Variants in TBC1D22B observed in about 807,000 individuals in gnomAD.
TBC1D22B encodes the protein chromosome 6 open reading frame 197.
TBC1D22B carries 32 observed loss-of-function variants against 69.1 expected under a neutral mutation model. The ratio of observed to expected loss-of-function variants is 0.46; its 90% CI spans 0.35 to 0.62. The LOEUF is 0.62. Among genes scored for constraint, TBC1D22B ranks in the 20% least tolerant of loss-of-function variants. The probability of loss-of-function intolerance (pLI) is 0.00; values close to 1 mark genes in which losing one functional copy is unlikely to be tolerated. For missense variants in TBC1D22B, 462 were observed against 630.9 expected, an observed-to-expected ratio of 0.73 and a Z score of 2.87; for synonymous variants, 206 against 229.8, an observed-to-expected ratio of 0.90 and a Z score of 0.94.
At chr6:37,262,222 G>C (rs748838698) in intron 1 of TBC1D22B, among the ~76,000 whole-genome samples, 4 of 152,024 alleles carry the variant, frequency 2.6e-5, no homozygotes, top group Admixed American at 2.0e-4. Flanking sequence ...GTAGAGAAGG[G>C]GGTTTCGCCA....
rs1021431873 is a variant in TBC1D22B, at chr6:37,332,040, T to C, written c.*868T>C. On this transcript the variant is annotated 3_prime_UTR_variant, in exon 13 of 13. Coordinates refer to ENST00000373491, the MANE Select transcript of TBC1D22B (RefSeq NM_017772.4). Reference sequence around the variant, plus strand: ...AAAGATGTACAAATATATGTCCTCTTTGTAGCAGATATGATTTTATATTTA... The same window carrying C: ...AAAGATGTACAAATATATGTCCTCTCTGTAGCAGATATGATTTTATATTTA... 1.3e-5 allele frequency: 2 copies of C among 152,648 alleles called. No individual in the cohort carries two copies. The highest frequency in any genetic ancestry group is 6.5e-5 in the Admixed American group (1 of 15,274). The allele number at this position is 152,648 out of a possible 1,614,324, so 9.5% of individuals were successfully genotyped here. A position where few individuals can be genotyped will look rare whatever the true frequency, so the allele number is the denominator to read the frequency against.
intron 8 of TBC1D22B, among the ~76,000 whole-genome samples, chr6:37,309,324 C>T (rs186159338): frequency 7.7e-4 from 118 of 152,324 alleles, no homozygotes; most frequent in African/African-American, 2.7e-3. Flanking sequence ...GGTGTGACAG[C>T]GATGCTCCTG....
chr6:37,269,459 A>G lies in TBC1D22B; in HGVS notation c.57-135A>G, dbSNP rs539813905. ...ACGGGTAGATTGCTCTCTTTGGGGG[A>G]TGGCTTGAGTACAGTTATTAGAGAT... On this transcript the variant is annotated intron_variant, in intron 1 of 12. Coordinates refer to ENST00000373491, the MANE Select transcript of TBC1D22B (RefSeq NM_017772.4). 27 of 753,626 alleles carry G rather than the reference A, an allele frequency of 3.6e-5. No individual in the cohort carries two copies. The Admixed American group carries it at 6.5e-4, about 18-fold the overall frequency. 46.7% of individuals were successfully genotyped at this position (753,626 alleles called of 1,614,324 possible).
chr6:37,320,635 C>G (rs1163871830), intron 12 of TBC1D22B, among the ~76,000 whole-genome samples: 1 of 152,144 alleles, frequency 6.6e-6, no homozygotes, highest in Non-Finnish European at 1.5e-5. Context: ...TCAGAGTACA[C>G]AGGGGCAAAG....
chr6:37,273,183 CAAAAAAA>C (rs58720560), intron 2 of TBC1D22B, among the ~76,000 whole-genome samples: 12 of 77,270 alleles, frequency 1.6e-4, no homozygotes, highest in Middle Eastern at 7.4e-3. Context: ...AACCCCGAGG[CAAAAAAA>C]AAAAAAAAAA....
At chr6:37,286,482 A>AT (rs1337640507) in intron 6 of TBC1D22B, among the ~76,000 whole-genome samples, 1 of 151,412 alleles carries the variant, frequency 6.6e-6, no homozygotes, top group African/African-American at 2.4e-5. Context: ...CGCCCGGCTA[A>AT]TTTTTTGTAT....
intron 7 of TBC1D22B, among the ~76,000 whole-genome samples, chr6:37,288,184 C>A (rs562827663): frequency 3.3e-5 from 5 of 152,080 alleles, no homozygotes; most frequent in African/African-American, 1.2e-4. Flanking sequence ...TGGTGGGGTC[C>A]CTCATGTCTT....
At chr6:37,268,044 C>A (rs893222020) in intron 1 of TBC1D22B, among the ~76,000 whole-genome samples, 3 of 152,194 alleles carry the variant, frequency 2.0e-5, no homozygotes, top group African/African-American at 7.2e-5. Flanking sequence ...CTCCACCAAT[C>A]CTTTTGCCAT....
intron 1 of TBC1D22B, among the ~76,000 whole-genome samples, chr6:37,264,335 G>A (rs1163406466): frequency 2.6e-5 from 4 of 152,080 alleles, no homozygotes; most frequent in Non-Finnish European, 4.4e-5. Flanking sequence ...TTTTTGACAC[G>A]GGGTTTCACT....
intron 2 of TBC1D22B, 67 bp from the exon 3 acceptor site, chr6:37,279,237 A>C: frequency 1.4e-6 from 2 of 1,391,920 alleles, no homozygotes; most frequent in Non-Finnish European, 2.0e-6. Context: ...ATATTACAAT[A>C]ATAAGCAAAT....
intron 5 of TBC1D22B, among the ~76,000 whole-genome samples, chr6:37,283,432 AATTC>A (rs1173910773): frequency 6.6e-6 from 1 of 152,178 alleles, no homozygotes; most frequent in Non-Finnish European, 1.5e-5. Flanking sequence ...GAGCCTGTAA[AATTC>A]ATTCATTCAT....
intron 12 of TBC1D22B, among the ~76,000 whole-genome samples, chr6:37,328,237 G>A (rs1259879708): frequency 1.4e-4 from 21 of 152,248 alleles, no homozygotes; most frequent in East Asian, 3.9e-4. Context: ...CCTGGGAGGC[G>A]GAGGTTGCGG....
At chr6:37,279,661 A>G (rs1278337715) in intron 3 of TBC1D22B, 50 bp downstream of exon 3, 3 of 1,531,748 alleles carry the variant, frequency 2.0e-6, no homozygotes, top group Non-Finnish European at 2.6e-6. Flanking sequence ...AGCAGCGTGC[A>G]TTTTAAATAA....
intron 1 of TBC1D22B, among the ~76,000 whole-genome samples, chr6:37,262,899 A>G (rs1766153538): frequency 6.6e-6 from 1 of 152,228 alleles, no homozygotes; most frequent in South Asian, 2.1e-4. Context: ...CAGCTATGTC[A>G]ATACATTCTA....
intron 12 of TBC1D22B, among the ~76,000 whole-genome samples, chr6:37,326,787 C>CA (rs112364776): frequency 0.14 from 21,615 of 149,430 alleles, 3,381 homozygotes; most frequent in African/African-American, 0.39. Flanking sequence ...GACTACGTCT[C>CA]AAAAAAAAAC....
At chr6:37,295,728 TC>T in intron 8 of TBC1D22B, 1 of 320,190 alleles carries the variant, frequency 3.1e-6, no homozygotes, top group South Asian at 3.3e-5. Flanking sequence ...CCTGGTCTCT[TC>T]CCCAGCCAAA....
At chr6:37,303,482 C>T (rs1218961660) in intron 8 of TBC1D22B, among the ~76,000 whole-genome samples, 5 of 152,192 alleles carry the variant, frequency 3.3e-5, no homozygotes, top group African/African-American at 1.2e-4. Context: ...CTAGGTCAGG[C>T]CTGGATTGCT....
chr6:37,287,161 C>T (rs1345444414), intron 7 of TBC1D22B, 89 bp downstream of exon 7: 4 of 1,000,068 alleles, frequency 4.0e-6, no homozygotes, highest in Non-Finnish European at 5.9e-6. Flanking sequence ...CATAATAGTA[C>T]CTTATGTTCA....
At chr6:37,318,040 C>CG (rs1554187267) in intron 12 of TBC1D22B, among the ~76,000 whole-genome samples, 1 of 152,166 alleles carries the variant, frequency 6.6e-6, no homozygotes, top group Non-Finnish European at 1.5e-5. Flanking sequence ...AAGAGGAACT[C>CG]TAAGAGCCAT....
Sources: gnomAD v4.1 joint callset for allele counts (sites outside exome capture counted in the v4.1 genomes callset) on GRCh38, gnomAD v4.1.1 for gene constraint, MANE v1.5 for transcripts, NCBI Gene and HGNC (gene_info 2026-07-23, HGNC 2026-07-21) for gene names.